The following STX2 variants were observed in gnomAD, a reference collection of about 807,000 sequenced individuals.
The protein encoded by STX2 is syntaxin 2, also known as syntaxin-2.
STX2 carries 27 observed loss-of-function variants against 40.6 expected under a neutral mutation model. The observed-to-expected ratio is 0.66, with a 90% confidence interval of 0.49 to 0.92. The LOEUF is 0.92. Ranked by LOEUF, STX2 falls within the 40% of genes least tolerant of loss-of-function variation. The probability of loss-of-function intolerance (pLI) is 0.00; values close to 1 mark genes in which losing one functional copy is unlikely to be tolerated. For missense variants in STX2, 328 were observed against 366.1 expected (o/e 0.90, Z 0.85); for synonymous variants, 123 against 119.1 (o/e 1.03, Z -0.22).
At chr12:130,833,466 A>C (rs892167811) in intron 1 of STX2, among the ~76,000 whole-genome samples, 20 of 146,176 alleles carry the variant, frequency 1.4e-4, no homozygotes, top group Admixed American at 7.0e-5. Context: ...GCTAGAGTGC[A>C]GTGGCAGGAT....
intron 1 of STX2, 102 bp downstream of exon 1, chr12:130,838,968 G>T: frequency 9.4e-7 from 1 of 1,069,024 alleles, no homozygotes; most frequent in Non-Finnish European, 1.2e-6. Context: ...TCCCCGCCCT[G>T]GGGACCCTCC....
chr12:130,803,568 G>A (rs1222229965), intron 6 of STX2, among the ~76,000 whole-genome samples: 1 of 151,204 alleles, frequency 6.6e-6, no homozygotes, highest in African/African-American at 2.4e-5. Context: ...TCGAGAGGCT[G>A]AGGTGGGAGG....
intron 1 of STX2, among the ~76,000 whole-genome samples, chr12:130,837,512 G>C (rs375784102): frequency 6.6e-6 from 1 of 152,168 alleles, no homozygotes; most frequent in African/African-American, 2.4e-5. Context: ...TCCAACTCCT[G>C]ACCTCAAGTG....
chr12:130,813,008 G>A lies in STX2; in HGVS notation c.229C>T (p.Leu77=). ...GCAGTTTTCTTGATTTCTTTGTTCA[G>A]ATCTTCAAGCTCTTCTTTTATTTCT... is the stretch of plus-strand genomic sequence containing the variant. The part of the protein sequence containing the change: ...EGKIKEELED[L]NKEIKKTANK... Residue 77 remains leucine, a synonymous_variant, in exon 4 of 11, where the codon CTG becomes TTG. Transcript: ENST00000392373. The A allele has an allele frequency of 6.5e-7, 1 of 1,535,824 alleles. No homozygotes were observed. Among genetic ancestry groups the A allele is most frequent in the East Asian group, 2.3e-5 (1 of 42,620 alleles).
At position 130,833,546 on chromosome 12, in the gene STX2, G is replaced by T. The variant is rs141061889; in HGVS notation, c.30+5524C>A. On this transcript the variant is annotated intron_variant, in intron 1 of 10. Coordinates refer to ENST00000392373, the MANE Select transcript of STX2 (RefSeq NM_194356.4). Reference sequence around the variant, plus strand: ...TCACCTCAGCTTCCCAAATAGCAGAGATTACAGGCACCTACCACCACCCCC... The same window carrying T: ...TCACCTCAGCTTCCCAAATAGCAGATATTACAGGCACCTACCACCACCCCC... Among the ~76,000 whole-genome samples, 4 of 151,718 alleles carry T rather than the reference G, an allele frequency of 2.6e-5. No homozygotes were observed. The East Asian group carries it at 7.8e-4, about 29-fold the overall frequency.
At chr12:130,821,848 C>A (rs1375590287) in intron 2 of STX2, 60 bp from the exon 3 acceptor site, 2 of 1,063,016 alleles carry the variant, frequency 1.9e-6, no homozygotes, top group Admixed American at 3.7e-5. Context: ...CACTTTTCAT[C>A]CCCTAAAAGG....
intron 1 of STX2, among the ~76,000 whole-genome samples, chr12:130,828,775 GGA>G (rs1952431996): frequency 6.6e-6 from 1 of 151,466 alleles, no homozygotes; most frequent in African/African-American, 2.4e-5. Context: ...GGCTGAGGCA[GGA>G]AAATGGCATG....
chr12:130,810,022 AAAC>A (rs560860616), intron 4 of STX2, among the ~76,000 whole-genome samples: 24 of 152,208 alleles, frequency 1.6e-4, no homozygotes, highest in African/African-American at 4.3e-4. Flanking sequence ...ACCCCAGGTC[AAAC>A]AACAACAACA....
At chr12:130,809,735 T>C (rs1389073101) in intron 4 of STX2, among the ~76,000 whole-genome samples, 1 of 152,184 alleles carries the variant, frequency 6.6e-6, no homozygotes, top group African/African-American at 2.4e-5. Context: ...GAGAATTGCT[T>C]GAACTCAGGA....
chr12:130,830,880 A>T (rs1952533615), intron 1 of STX2, among the ~76,000 whole-genome samples: 1 of 152,240 alleles, frequency 6.6e-6, no homozygotes, highest in Non-Finnish European at 1.5e-5. Context: ...ACTAAAAGCC[A>T]GGGAATACTC....
chr12:130,837,560 A>G (rs1952789638), intron 1 of STX2, among the ~76,000 whole-genome samples: 1 of 152,180 alleles, frequency 6.6e-6, no homozygotes, highest in Admixed American at 6.5e-5. Context: ...CTGGGATTAC[A>G]GGCATGAGCC....
chr12:130,805,399 G>C (rs1229538513), intron 6 of STX2, among the ~76,000 whole-genome samples: 1 of 152,216 alleles, frequency 6.6e-6, no homozygotes, highest in African/African-American at 2.4e-5. Flanking sequence ...AGAGCAGAAA[G>C]GGCCCAGGTG....
Position 130,801,437 on chromosome 12 carries a change from TTC to T in STX2, c.513_514del (p.Lys172AlafsTer16), listed in dbSNP as rs1455919499. Reference sequence around the variant, plus strand: ...CACGTCGGAAGTGAAGATGGATGGCTTCCCGCTCTCCAGCATCTCTTCTAGCT... The same window carrying T: ...CACGTCGGAAGTGAAGATGGATGGCTCCGCTCTCCAGCATCTCTTCTAGCT... On this transcript the variant is annotated frameshift_variant, in exon 7 of 11. Coordinates refer to ENST00000392373, the MANE Select transcript of STX2 (RefSeq NM_194356.4). LOFTEE classifies it high-confidence loss of function. 1.2e-6 allele frequency: 2 copies of T among 1,611,112 alleles called. No homozygotes were observed. The highest frequency in any genetic ancestry group is 1.7e-6 in the Non-Finnish European group (2 of 1,178,446).
intron 2 of STX2, among the ~76,000 whole-genome samples, chr12:130,823,320 A>T (rs1952185333): frequency 6.6e-6 from 1 of 152,156 alleles, no homozygotes; most frequent in Non-Finnish European, 1.5e-5. Flanking sequence ...CTTAAAAACA[A>T]AAAAAGGAAG....
chr12:130,822,784 G>C (rs1221341002), intron 2 of STX2, among the ~76,000 whole-genome samples: 3 of 152,136 alleles, frequency 2.0e-5, no homozygotes, highest in Non-Finnish European at 4.4e-5. Context: ...AGGCTGCAAT[G>C]TGTGTGTGTG....
At chr12:130,796,330 C>A (rs1593111396) in intron 9 of STX2, among the ~76,000 whole-genome samples, 1 of 152,186 alleles carries the variant, frequency 6.6e-6, no homozygotes, top group East Asian at 1.9e-4. Flanking sequence ...CCTGTCTCTA[C>A]TAAAAATACA....
chr12:130,817,529 G>C (rs768067845), intron 3 of STX2, among the ~76,000 whole-genome samples: 3 of 152,186 alleles, frequency 2.0e-5, no homozygotes, highest in Non-Finnish European at 4.4e-5. Context: ...AACGGAGCAA[G>C]GATGCTACTT....
chr12:130,801,207 G>A lies in STX2; in HGVS notation c.621C>T (p.Ser207=). 2.5e-6 allele frequency: 4 copies of A among 1,614,044 alleles called. No individual in the cohort carries two copies. In the East Asian group the frequency reaches 6.7e-5, roughly 27 times the overall value. The change falls in exon 8 of 11, where the codon AGC becomes AGT. Residue 207 remains serine, a synonymous_variant. Transcript: ENST00000392373. ...RHKDIMKLET[S]IRELHEMFMD... is the part of the protein sequence containing the mutation. ...TGAACATCTCATGCAACTCTCGGAT[G>A]CTGGTCTCCAGCTTCATGATGTCCT...
rs184879588 is a variant in STX2, at chr12:130,816,825, C to T, written c.206-3794G>A. 4.1e-4 allele frequency among the ~76,000 whole-genome samples: 62 copies of T among 152,348 alleles called. No individual in the cohort carries two copies. The East Asian group carries it at 0.011, about 27-fold the overall frequency. ...CATGTGCCAACTCCATAAAAGGCAGCTGAGCTGCAGAGAAGCTGAGAAAAC... is the reference window on the plus strand; with the variant it reads ...CATGTGCCAACTCCATAAAAGGCAGTTGAGCTGCAGAGAAGCTGAGAAAAC... On this transcript the variant is annotated intron_variant, in intron 3 of 10. Coordinates refer to ENST00000392373, the MANE Select transcript of STX2 (RefSeq NM_194356.4).
Sources: allele counts gnomAD v4.1 joint callset (sites outside exome capture counted in the v4.1 genomes callset), GRCh38; gene constraint gnomAD v4.1.1; transcripts MANE v1.5; gene names NCBI Gene and HGNC (gene_info 2026-07-23, HGNC 2026-07-21).